RASA1: variants seen among roughly 807,000 people sequenced by gnomAD.
RASA1 encodes ras GTPase-activating protein 1.
RASA1 carries 25 observed loss-of-function variants against 132.2 expected under a neutral mutation model. The observed-to-expected ratio is 0.19, with a 90% CI of 0.14 to 0.26. The LOEUF is 0.26. Among genes scored for constraint, RASA1 ranks in the 10% least tolerant of loss-of-function variants. The probability of loss-of-function intolerance (pLI) is 1.00; values close to 1 mark genes in which losing one functional copy is unlikely to be tolerated. For synonymous variants in RASA1, 477 were observed against 449.9 expected, an observed-to-expected ratio of 1.06 and a Z score of -0.76; for missense variants, 964 against 1,299.2, an observed-to-expected ratio of 0.74 and a Z score of 3.97.
At chr5:87,310,149 G>A (rs1289979128) in intron 1 of RASA1, among the ~76,000 whole-genome samples, 1 of 152,164 alleles carries the variant, frequency 6.6e-6, no homozygotes, top group South Asian at 2.1e-4. Flanking sequence ...CTTTGAGGTT[G>A]ATTTCTTTGT....
At chr5:87,308,347 G>C (rs941068079) in intron 1 of RASA1, among the ~76,000 whole-genome samples, 2 of 151,970 alleles carry the variant, frequency 1.3e-5, no homozygotes, top group African/African-American at 4.8e-5. Context: ...TATTTGTTTT[G>C]AAATGTTGGT....
chr5:87,371,788 C>T (rs1760961693), intron 12 of RASA1, among the ~76,000 whole-genome samples: 1 of 152,012 alleles, frequency 6.6e-6, no homozygotes, highest in South Asian at 2.1e-4. Flanking sequence ...CAGTTAATTT[C>T]CCCAAGGTAG....
At chr5:87,307,627 G>C (rs924070203) in intron 1 of RASA1, among the ~76,000 whole-genome samples, 2 of 152,088 alleles carry the variant, frequency 1.3e-5, no homozygotes, top group Non-Finnish European at 2.9e-5. Flanking sequence ...TTGAATAACT[G>C]TTATAGCCTT....
At chr5:87,274,645 G>A (rs1166622218) in intron 1 of RASA1, among the ~76,000 whole-genome samples, 3 of 152,116 alleles carry the variant, frequency 2.0e-5, no homozygotes, top group Non-Finnish European at 4.4e-5. Context: ...CAATTACTGT[G>A]ATTCAGGCTA....
rs116642099 is a variant in RASA1, at chr5:87,388,072, A to G, written c.2925+1169A>G. ...CTTTTGCTGAACCCCAAACATGAATAAAATAACTTTTGTTTTACCTCCTAA... is the reference window on the plus strand; with the variant it reads ...CTTTTGCTGAACCCCAAACATGAATGAAATAACTTTTGTTTTACCTCCTAA... On this transcript the variant is annotated intron_variant, in intron 23 of 24. Coordinates refer to ENST00000274376, the MANE Select transcript of RASA1 (RefSeq NM_002890.3). Among the ~76,000 whole-genome samples the G allele has an allele frequency of 4.7e-3, 722 of 152,280 alleles. 2 individuals carry two copies. The highest frequency in any genetic ancestry group is 6.9e-3 in the Non-Finnish European group (472 of 68,006).
intron 9 of RASA1, among the ~76,000 whole-genome samples, chr5:87,354,506 T>C (rs1472487173): frequency 6.6e-6 from 1 of 152,116 alleles, no homozygotes; most frequent in African/African-American, 2.4e-5. Flanking sequence ...AATCGATAAA[T>C]GTAGTGTATG....
At chr5:87,289,583 A>G (rs974648781) in intron 1 of RASA1, among the ~76,000 whole-genome samples, 8 of 151,966 alleles carry the variant, frequency 5.3e-5, no homozygotes, top group Admixed American at 4.6e-4. Context: ...CTGGGCAGAG[A>G]TACATGCAGG....
intron 6 of RASA1, 21 bp downstream of exon 6, chr5:87,341,342 A>C: frequency 7.9e-7 from 1 of 1,272,680 alleles, no homozygotes; most frequent in Non-Finnish European, 9.9e-7. Flanking sequence ...GTTAATTATT[A>C]AAATGAAAAA....
At chr5:87,376,830 C>T (rs375122599) in intron 16 of RASA1, 51 bp from the exon 17 acceptor site, 1 of 1,512,838 alleles carries the variant, frequency 6.6e-7, no homozygotes, top group Admixed American at 1.7e-5. Flanking sequence ...TCTCATGGAG[C>T]ATGCTTATAA....
intron 18 of RASA1, 83 bp downstream of exon 18, chr5:87,378,621 GA>G (rs1761486329): frequency 7.4e-7 from 1 of 1,360,272 alleles, no homozygotes; most frequent in South Asian, 1.3e-5. Flanking sequence ...ACATTTTAAG[GA>G]AAATATATTA....
intron 1 of RASA1, among the ~76,000 whole-genome samples, chr5:87,309,243 A>G (rs1755757903): frequency 6.6e-6 from 1 of 152,112 alleles, no homozygotes; most frequent in South Asian, 2.1e-4. Flanking sequence ...TCTGTAGGTT[A>G]TATTTTGCAG....
At chr5:87,375,971 TTTC>T (rs1244091090) in intron 15 of RASA1, among the ~76,000 whole-genome samples, 2 of 152,214 alleles carry the variant, frequency 1.3e-5, no homozygotes, top group African/African-American at 2.4e-5. Flanking sequence ...TTTCACTACT[TTTC>T]TTCTTAGCTA....
rs890231302 is a variant in RASA1, at chr5:87,365,274, G to A, written c.1610+1770G>A. ...TTATATTTCAAAAATTATAACACTC[G>A]AAATCATATGATCCCTGTATAAACT... is the stretch of plus-strand genomic sequence containing the variant. On this transcript the variant is annotated intron_variant, in intron 11 of 24. Coordinates refer to ENST00000274376, the MANE Select transcript of RASA1 (RefSeq NM_002890.3). 7.9e-5 allele frequency among the ~76,000 whole-genome samples: 12 copies of A among 152,174 alleles called. No individual in the cohort carries two copies. In the Middle Eastern group the frequency reaches 0.014, roughly 173 times the overall value.
intron 1 of RASA1, among the ~76,000 whole-genome samples, chr5:87,271,248 A>G (rs568741779): frequency 6.6e-6 from 1 of 152,220 alleles, no homozygotes; most frequent in African/African-American, 2.4e-5. Context: ...CAAAACAAAC[A>G]AACAAACAAA....
Position 87,268,827 on chromosome 5 carries a change from G to A in RASA1, c.376G>A (p.Glu126Lys). ...CAAACTGCCCACTTCGTTGCTTGCT[G>A]AGACTCTCGGGCCAGGCGGCGGTTT... The part of the protein sequence containing the change: ...LTKLPTSLLA[E>K]TLGPGGGFPP... The change falls in exon 1 of 25, where the codon GAG becomes AAG. Residue 126 changes from glutamate to lysine, a missense_variant. Coordinates refer to ENST00000274376, the MANE Select transcript of RASA1 (RefSeq NM_002890.3). The A allele has an allele frequency of 6.2e-7, 1 of 1,614,124 alleles. No individual in the cohort carries two copies. Among genetic ancestry groups the A allele is most frequent in the Non-Finnish European group, 8.5e-7 (1 of 1,180,030 alleles).
At position 87,380,557 on chromosome 5, in the gene RASA1, G is replaced by A. The variant is rs1761637343; in HGVS notation, c.2652G>A (p.Lys884=). The A allele has an allele frequency of 5.0e-6, 8 of 1,613,478 alleles. No individual in the cohort carries two copies. Among genetic ancestry groups the A allele is most frequent in the Non-Finnish European group, 6.8e-6 (8 of 1,179,550 alleles). The change falls in exon 20 of 25, where the codon AAG becomes AAA. Residue 884 remains lysine, a synonymous_variant. Coordinates refer to ENST00000274376, the MANE Select transcript of RASA1 (RefSeq NM_002890.3). ...GTTTACAGAAATCTGTTCAGCATAA[G>A]TGGCCTACAAATACCACCATGAGAA... ...YGCLQKSVQH[K]WPTNTTMRTR... is the part of the protein sequence containing the mutation.
At chr5:87,277,049 A>G (rs1198451899) in intron 1 of RASA1, among the ~76,000 whole-genome samples, 1 of 152,114 alleles carries the variant, frequency 6.6e-6, no homozygotes, top group Non-Finnish European at 1.5e-5. Context: ...AAGGCTCAGT[A>G]TTTGCTAATC....
chr5:87,287,839 TACCATATATACACAC>T (rs1247000451), intron 1 of RASA1, among the ~76,000 whole-genome samples: 1 of 96,462 alleles, frequency 1.0e-5, no homozygotes, highest in African/African-American at 4.7e-5. Flanking sequence ...ACCATATATA[TACCATATATACACAC>T]ACCATATATA....
At position 87,268,448 on chromosome 5, in the gene RASA1, C is replaced by T; in HGVS notation, c.-4C>T. The T allele has an allele frequency of 3.9e-6, 6 of 1,544,348 alleles. No homozygotes were observed. Among genetic ancestry groups the T allele is most frequent in the Non-Finnish European group, 5.2e-6 (6 of 1,144,388 alleles). On this transcript the variant is annotated 5_prime_UTR_variant, in exon 1 of 25. Transcript: ENST00000274376. ...GGGTAGGGCAGAGTAGAGCGGGCTTCAACATGATGGCGGCCGAGGCCGGCA... is the reference window on the plus strand; with the variant it reads ...GGGTAGGGCAGAGTAGAGCGGGCTTTAACATGATGGCGGCCGAGGCCGGCA...
Sources: gnomAD v4.1 joint callset for allele counts (sites outside exome capture counted in the v4.1 genomes callset) on GRCh38, gnomAD v4.1.1 for gene constraint, MANE v1.5 for transcripts, NCBI Gene and HGNC (gene_info 2026-07-23, HGNC 2026-07-21) for gene names.